Variants in XDH observed in about 807,000 individuals in gnomAD.
The protein encoded by XDH is xanthine dehydrogenase.
A neutral mutation model predicts 156.1 loss-of-function variants in XDH; 138 were observed. That is an observed-to-expected ratio of 0.88 (90% CI 0.77 to 1.02). The LOEUF is 1.02. Ranked by LOEUF, XDH falls within the 50% of genes least tolerant of loss-of-function variation. The probability of loss-of-function intolerance (pLI) is 0.00; values close to 1 mark genes in which losing one functional copy is unlikely to be tolerated. For synonymous variants in XDH, 669 were observed against 625.7 expected (o/e 1.07, Z -1.03); for missense variants, 1,849 against 1,684.9 (o/e 1.10, Z -1.71).
At position 31,379,851 on chromosome 2, in the gene XDH, A is replaced by G. The variant is rs1350713618; in HGVS notation, c.1242+16T>C. 2 of 1,612,616 alleles carry G rather than the reference A, an allele frequency of 1.2e-6. No homozygotes were observed. The highest frequency in any genetic ancestry group is 1.3e-5 in the African/African-American group (1 of 75,020). On this transcript the variant is annotated intron_variant, in intron 13 of 35. Transcript: ENST00000379416. ...ACTTATTTGAGCAGAGCCTGGAACC[A>G]CTTCCAACATCTCACCTCCCTGCTG...
chr2:31,344,900 C>T (rs759541453), intron 30 of XDH, among the ~76,000 whole-genome samples, 164 bp from the exon 31 acceptor site: 9 of 152,322 alleles, frequency 5.9e-5, no homozygotes, highest in South Asian at 2.1e-4. Context: ...GCACCACCTG[C>T]ACCAGGTCCT....
At chr2:31,354,013 T>C (rs1558682251) in intron 24 of XDH, among the ~76,000 whole-genome samples, 1 of 152,212 alleles carries the variant, frequency 6.6e-6, no homozygotes, top group Non-Finnish European at 1.5e-5. Flanking sequence ...CTTCCCTTCC[T>C]TTCTGGTTGT....
intron 31 of XDH, 40 bp from the exon 32 acceptor site, chr2:31,342,337 T>A (rs774014732): frequency 1.3e-5 from 20 of 1,538,210 alleles, no homozygotes; most frequent in Admixed American, 5.0e-5. Context: ...TGTATTAACA[T>A]GAACACACCC....
At chr2:31,394,933 G>T (rs1433824276) in intron 6 of XDH, among the ~76,000 whole-genome samples, 1 of 151,800 alleles carries the variant, frequency 6.6e-6, no homozygotes, top group Non-Finnish European at 1.5e-5. Flanking sequence ...ATCTGTTTTT[G>T]TATGTTATCT....
At chr2:31,348,237 G>T in intron 28 of XDH, 31 bp downstream of exon 28, 1 of 1,607,148 alleles carries the variant, frequency 6.2e-7, no homozygotes, top group Non-Finnish European at 8.5e-7. Context: ...CTCTAACAAC[G>T]GACACAACAC....
At chr2:31,344,636 T>C in intron 31 of XDH, 48 bp downstream of exon 31, 2 of 1,608,728 alleles carry the variant, frequency 1.2e-6, no homozygotes, top group Non-Finnish European at 1.7e-6. Context: ...CCAGTGAGGT[T>C]AGGACGACAT....
At chr2:31,378,110 GGA>G (rs1686310505) in intron 13 of XDH, among the ~76,000 whole-genome samples, 1 of 44,732 alleles carries the variant, frequency 2.2e-5, no homozygotes, top group Non-Finnish European at 4.4e-5. Flanking sequence ...AAGAAAGAAA[GGA>G]AGGAAGGAAG....
intron 14 of XDH, 56 bp from the exon 15 acceptor site, chr2:31,375,610 G>C (rs1686225247): frequency 6.3e-7 from 1 of 1,576,454 alleles, no homozygotes; most frequent in Non-Finnish European, 8.6e-7. Flanking sequence ...AGACCCCTTT[G>C]TGTAGAGCTG....
At chr2:31,410,246 G>C (rs1345082626) in intron 1 of XDH, among the ~76,000 whole-genome samples, 2 of 152,282 alleles carry the variant, frequency 1.3e-5, no homozygotes, top group East Asian at 3.9e-4. Flanking sequence ...TTATTATTTA[G>C]TAAATTTATA....
intron 12 of XDH, 50 bp downstream of exon 12, chr2:31,381,583 C>G: frequency 6.3e-7 from 1 of 1,589,602 alleles, no homozygotes; most frequent in African/African-American, 1.3e-5. Flanking sequence ...TCTGGTGAGA[C>G]TTTTCTCCCC....
At chr2:31,374,103 C>T in intron 15 of XDH, 147 bp from the exon 16 acceptor site, 1 of 795,868 alleles carries the variant, frequency 1.3e-6, no homozygotes. Context: ...GATCTCTCAG[C>T]ATCCAAACAC....
At chr2:31,385,069 T>C (rs45482594) in intron 9 of XDH, among the ~76,000 whole-genome samples, 2,955 of 152,242 alleles carry the variant, frequency 0.019, 87 homozygotes, top group African/African-American at 0.067. Context: ...GCAGGGAGCA[T>C]GCAAGTGTGA....
intron 24 of XDH, among the ~76,000 whole-genome samples, chr2:31,362,483 T>C (rs572548631): frequency 6.6e-6 from 1 of 152,308 alleles, no homozygotes; most frequent in South Asian, 2.1e-4. Context: ...ACTAAATTGG[T>C]ATTTTATTAA....
At chr2:31,343,637 TTGTG>T (rs1453811963) in intron 31 of XDH, among the ~76,000 whole-genome samples, 1 of 147,132 alleles carries the variant, frequency 6.8e-6, no homozygotes, top group Non-Finnish European at 1.5e-5. Flanking sequence ...TAGAAATGTT[TTGTG>T]TGTGTACATA....
At chr2:31,380,090 G>T (rs1686396590) in intron 12 of XDH, 114 bp from the exon 13 acceptor site, 1 of 1,018,228 alleles carries the variant, frequency 9.8e-7, no homozygotes, top group Non-Finnish European at 1.5e-6. Context: ...AATGCCCACA[G>T]TCAGAGCAAA....
At chr2:31,383,528 G>A (rs1686499460) in intron 10 of XDH, among the ~76,000 whole-genome samples, 1 of 151,740 alleles carries the variant, frequency 6.6e-6, no homozygotes, top group African/African-American at 2.4e-5. Context: ...CCAGAATTGA[G>A]AAAAATGATT....
In XDH at chr2:31,342,177, T is replaced by G. The variant is rs772159624; in HGVS notation, c.3519+6A>C. 9 of 1,613,504 alleles carry G rather than the reference T, an allele frequency of 5.6e-6. No individual in the cohort carries two copies. Among genetic ancestry groups the G allele is most frequent in the African/African-American group, 1.3e-5 (1 of 74,912 alleles). ...ACTAAGTACTAAAGTTTTGCAAACT[T>G]CTTACCTTATGATCTCCTGTTAGGC... On this transcript the variant is annotated splice_donor_region_variant and intron_variant, in intron 32 of 35. Coordinates refer to ENST00000379416, the MANE Select transcript of XDH (RefSeq NM_000379.4).
At chr2:31,378,159 GAAGGAAGGAAGGAAGGAAGCAAGCAAGC>G (rs1467902937) in intron 13 of XDH, among the ~76,000 whole-genome samples, 1,594 of 118,848 alleles carry the variant, frequency 0.013, 90 homozygotes, top group African/African-American at 0.039. Flanking sequence ...AGGAAGGAAG[GAAGGAAGGAAGGAAGGAAGCAAGCAAGC>G]AAGCAAAGCA....
chr2:31,354,780 G>C (rs1685581073), intron 24 of XDH, among the ~76,000 whole-genome samples: 1 of 152,096 alleles, frequency 6.6e-6, no homozygotes, highest in East Asian at 1.9e-4. Flanking sequence ...ACAGTTTCAA[G>C]GACATTTGGG....
Sources: gnomAD v4.1 joint callset for allele counts (sites outside exome capture counted in the v4.1 genomes callset) on GRCh38, gnomAD v4.1.1 for gene constraint, MANE v1.5 for transcripts, NCBI Gene and HGNC (gene_info 2026-07-23, HGNC 2026-07-21) for gene names.